LRRC4C: variants seen among roughly 807,000 people sequenced by gnomAD.
LRRC4C encodes leucine-rich repeat-containing protein 4C.
A neutral mutation model predicts 33.6 loss-of-function variants in LRRC4C; 5 were observed. The ratio of observed to expected loss-of-function variants is 0.15; its 90% CI spans 0.08 to 0.31. The LOEUF (loss-of-function observed/expected upper bound fraction) is 0.31. Ranked by LOEUF, LRRC4C falls within the 10% of genes least tolerant of loss-of-function variation. The pLI is 1.00. For missense variants in LRRC4C, 560 were observed against 796.7 expected (o/e 0.70, Z 3.58); for synonymous variants, 329 against 302.0 (o/e 1.09, Z -0.93).
intron 1 of LRRC4C, among the ~76,000 whole-genome samples, chr11:41,184,815 CA>C (rs34577485): frequency 0.53 from 60,182 of 113,016 alleles, 13,150 homozygotes; most frequent in Middle Eastern, 0.63. Context: ...GGGCAATTTA[CA>C]AAAAAAAAAA....
chr11:41,457,504 G>A (rs1288031222), intron 1 of LRRC4C, among the ~76,000 whole-genome samples: 1 of 152,110 alleles, frequency 6.6e-6, no homozygotes, highest in Non-Finnish European at 1.5e-5. Context: ...GAAACTTCGT[G>A]TTTCTTATTC....
intron 1 of LRRC4C, among the ~76,000 whole-genome samples, chr11:41,122,298 C>T (rs1003080791): frequency 1.3e-5 from 2 of 151,984 alleles, no homozygotes; most frequent in Non-Finnish European, 2.9e-5. Context: ...ATAGTTCTGT[C>T]GGGAAACAAG....
At chr11:40,532,876 A>C (rs1389450769) in intron 3 of LRRC4C, among the ~76,000 whole-genome samples, 1 of 152,118 alleles carries the variant, frequency 6.6e-6, no homozygotes. Flanking sequence ...AGGCCTCAAG[A>C]AACTTACAAT....
chr11:40,598,255 T>C (rs1201228267), intron 3 of LRRC4C, among the ~76,000 whole-genome samples: 1 of 152,214 alleles, frequency 6.6e-6, no homozygotes, highest in Non-Finnish European at 1.5e-5. Flanking sequence ...TTTTTAAGCT[T>C]TCTTCTACTC....
intron 1 of LRRC4C, among the ~76,000 whole-genome samples, chr11:41,398,323 C>A (rs374552544): frequency 1.3e-5 from 2 of 151,862 alleles, no homozygotes; most frequent in Non-Finnish European, 2.9e-5. Flanking sequence ...GAATGTAGTA[C>A]GTACCACCTA....
At chr11:40,752,096 C>A (rs1948716381) in intron 2 of LRRC4C, among the ~76,000 whole-genome samples, 1 of 152,014 alleles carries the variant, frequency 6.6e-6, no homozygotes, top group Non-Finnish European at 1.5e-5. Flanking sequence ...ATACAAAAAT[C>A]AGCTCAAGAT....
chr11:40,534,641 T>G (rs1406979051), intron 3 of LRRC4C, among the ~76,000 whole-genome samples: 2 of 152,314 alleles, frequency 1.3e-5, no homozygotes, highest in South Asian at 2.1e-4. Flanking sequence ...TTCCTTTTGG[T>G]TTTAGGATAA....
intron 4 of LRRC4C, among the ~76,000 whole-genome samples, chr11:40,249,076 G>T (rs769722112): frequency 2.0e-5 from 3 of 152,120 alleles, no homozygotes; most frequent in Non-Finnish European, 4.4e-5. Context: ...GGTGGCTCAC[G>T]CCTGTCATCT....
At chr11:40,355,608 G>GA (rs1383760377) in intron 3 of LRRC4C, among the ~76,000 whole-genome samples, 11 of 152,078 alleles carry the variant, frequency 7.2e-5, no homozygotes, top group Non-Finnish European at 1.6e-4. Flanking sequence ...GGGCAGCACT[G>GA]AGTTCCAATT....
chr11:40,668,320 T>G (rs1416847547), intron 2 of LRRC4C, among the ~76,000 whole-genome samples: 1 of 152,210 alleles, frequency 6.6e-6, no homozygotes, highest in Non-Finnish European at 1.5e-5. Flanking sequence ...GTTTGATAAC[T>G]GTATCTATTA....
rs1350218117 is a variant in LRRC4C, at chr11:40,952,888, ACACACACACT to A, written c.-495-19175_-495-19166del. ...CACACACACACACACACACACACAC[ACACACACACT>A]CTCTCTCTCTCTCTCTCTCTCTCTC... On this transcript the variant is annotated intron_variant, in intron 1 of 6. Transcript: ENST00000528697. Among the ~76,000 whole-genome samples, 221 of 55,152 alleles carry A rather than the reference ACACACACACT, an allele frequency of 4.0e-3. No homozygotes were observed. The South Asian group carries it at 0.049, about 12-fold the overall frequency. The allele number at this position is 55,152 out of a possible 152,430, so 36.2% of individuals were successfully genotyped here. A position where few individuals can be genotyped will look rare whatever the true frequency, so the allele number is the denominator to read the frequency against.
Position 40,115,128 on chromosome 11 carries a change from G to T in LRRC4C, c.1165C>A (p.Pro389Thr). The change falls in exon 7 of 7, where the codon CCA becomes ACA. Residue 389 changes from proline to threonine, a missense_variant. This residue lies in a region of LRRC4C where 455 missense variants were observed against 643.8 expected (regional missense o/e 0.71). Coordinates refer to ENST00000528697, the MANE Select transcript of LRRC4C (RefSeq NM_001258419.2). The surrounding 1 kb of genome is among the most constrained non-coding windows in gnomAD (Gnocchi z 6.7). The stretch of plus-strand genomic sequence containing the variant: ...CCATGTGTCATGACTGTTCCATTTG[G>T]AGTAATCCAAGATACAGATGTCAGG... ...TSLTSVSWIT[P>T]NGTVMTHGAY... The T allele has an allele frequency of 6.2e-7, 1 of 1,614,120 alleles. No homozygotes were observed. Among genetic ancestry groups the T allele is most frequent in the East Asian group, 2.2e-5 (1 of 44,876 alleles).
chr11:40,974,561 A>G (rs927690590), intron 1 of LRRC4C, among the ~76,000 whole-genome samples: 11 of 152,238 alleles, frequency 7.2e-5, no homozygotes, highest in African/African-American at 2.7e-4. Context: ...TCCTTCCATC[A>G]TAAAGTTCAA....
intron 1 of LRRC4C, among the ~76,000 whole-genome samples, chr11:41,334,469 T>C (rs1161589339): frequency 1.3e-5 from 2 of 152,098 alleles, no homozygotes; most frequent in African/African-American, 4.8e-5. Flanking sequence ...ATTAAGTACT[T>C]GATTTTCTAG....
chr11:40,732,044 T>C (rs1947610666), intron 2 of LRRC4C, among the ~76,000 whole-genome samples: 1 of 130,310 alleles, frequency 7.7e-6, no homozygotes, highest in Non-Finnish European at 1.7e-5. Context: ...AAAGTAGTAA[T>C]ATGCAAAAAA....
Position 40,597,665 on chromosome 11 carries a change from C to T in LRRC4C, c.-270+50477G>A, listed in dbSNP as rs1413384897. ...TCAAACCTTATTTATTAAAAGAATA[C>T]GGTGGAATAAGGACTGATACTACAA... is the stretch of plus-strand genomic sequence containing the variant. On this transcript the variant is annotated intron_variant, in intron 3 of 6. Coordinates refer to ENST00000528697, the MANE Select transcript of LRRC4C (RefSeq NM_001258419.2). Among the ~76,000 whole-genome samples, 7 of 151,998 alleles carry T rather than the reference C, an allele frequency of 4.6e-5. No homozygotes were observed. In the East Asian group the frequency reaches 5.8e-4, roughly 13 times the overall value.
chr11:40,482,447 A>G (rs1953624271), intron 3 of LRRC4C, among the ~76,000 whole-genome samples: 1 of 151,446 alleles, frequency 6.6e-6, no homozygotes, highest in African/African-American at 2.4e-5. Flanking sequence ...TAGAAACATC[A>G]ATTACAGGAA....
At chr11:41,059,045 G>A (rs554514419) in intron 1 of LRRC4C, among the ~76,000 whole-genome samples, 10 of 152,044 alleles carry the variant, frequency 6.6e-5, no homozygotes, top group African/African-American at 2.4e-4. Flanking sequence ...TAGACACCAG[G>A]GCTGACTTGA....
chr11:41,426,727 G>A (rs1185014029), intron 1 of LRRC4C, among the ~76,000 whole-genome samples: 6 of 152,084 alleles, frequency 3.9e-5, no homozygotes, highest in Non-Finnish European at 8.8e-5. Context: ...AGGTTCTCTT[G>A]GTCAGGACTT....
Sources: gnomAD v4.1 joint callset for allele counts (sites outside exome capture counted in the v4.1 genomes callset) on GRCh38, gnomAD v4.1.1 for gene constraint, gnomAD v4.1.1 regional missense constraint, Gnocchi (gnomAD v3.1) non-coding constraint, MANE v1.5 for transcripts, NCBI Gene and HGNC (gene_info 2026-07-23, HGNC 2026-07-21) for gene names.